Variants in SLC27A6 observed in about 807,000 individuals in gnomAD.
The protein encoded by SLC27A6 is long-chain fatty acid transport protein 6.
Under a neutral mutation model 63.9 loss-of-function variants are expected in SLC27A6, and 74 were observed. That is an observed-to-expected ratio of 1.16 (90% CI 0.96 to 1.40). The LOEUF is 1.40. SLC27A6 is among the 40% of genes most tolerant of loss of function. The pLI is 0.00. For missense variants in SLC27A6, 794 were observed against 732.9 expected, an observed-to-expected ratio of 1.08 and a Z score of -0.96; for synonymous variants, 287 against 260.8, an observed-to-expected ratio of 1.10 and a Z score of -0.97.
At chr5:129,028,098 A>T (rs977066253) in intron 7 of SLC27A6, among the ~76,000 whole-genome samples, 1 of 152,072 alleles carries the variant, frequency 6.6e-6, no homozygotes, top group Non-Finnish European at 1.5e-5. Context: ...ATTTTTATGT[A>T]TATTATAAAA....
At position 129,024,520 on chromosome 5, in the gene SLC27A6, A is replaced by T. The variant is rs187918059; in HGVS notation, c.1255+810A>T. Among the ~76,000 whole-genome samples the T allele has an allele frequency of 3.0e-4, 45 of 152,182 alleles. No individual in the cohort carries two copies. In the East Asian group the frequency reaches 8.5e-3, roughly 29 times the overall value. ...GGACGATTAAATGGGATGTATATATATTCCTGGGGGACCTGGTATGTGGCT... is the reference window on the plus strand; with the variant it reads ...GGACGATTAAATGGGATGTATATATTTTCCTGGGGGACCTGGTATGTGGCT... On this transcript the variant is annotated intron_variant, in intron 6 of 9. Transcript: ENST00000262462.
chr5:128,997,536 T>A (rs1222305208), intron 4 of SLC27A6, among the ~76,000 whole-genome samples: 1 of 152,192 alleles, frequency 6.6e-6, no homozygotes, highest in Non-Finnish European at 1.5e-5. Context: ...TACACAGGAA[T>A]TTGTGAATAT....
At chr5:129,019,222 A>T (rs1269098012) in intron 5 of SLC27A6, among the ~76,000 whole-genome samples, 1 of 152,114 alleles carries the variant, frequency 6.6e-6, no homozygotes, top group Non-Finnish European at 1.5e-5. Flanking sequence ...ACTATATAAA[A>T]AATTTAGTGA....
intron 4 of SLC27A6, among the ~76,000 whole-genome samples, chr5:129,005,907 C>T (rs1225223101): frequency 2.6e-5 from 4 of 151,438 alleles, no homozygotes; most frequent in Admixed American, 6.6e-5. Context: ...CCACCGTGGC[C>T]GGCCTAGGTC....
chr5:128,980,211 A>G, intron 1 of SLC27A6, among the ~76,000 whole-genome samples: 1 of 152,192 alleles, frequency 6.6e-6, no homozygotes, highest in East Asian at 1.9e-4. Flanking sequence ...AGTAGTAATA[A>G]CAACCACCAC....
intron 1 of SLC27A6, among the ~76,000 whole-genome samples, chr5:128,977,039 C>A (rs1750414056): frequency 6.6e-6 from 1 of 152,104 alleles, no homozygotes; most frequent in Non-Finnish European, 1.5e-5. Context: ...ATCAACACAA[C>A]CAGGAAATCC....
At chr5:129,017,215 A>G (rs1029200089) in intron 5 of SLC27A6, among the ~76,000 whole-genome samples, 37 of 152,306 alleles carry the variant, frequency 2.4e-4, no homozygotes, top group Middle Eastern at 3.4e-3. Flanking sequence ...AACAAATTTC[A>G]AAGGATTGAA....
chr5:129,019,261 G>A (rs1352620564), intron 5 of SLC27A6, among the ~76,000 whole-genome samples: 1 of 151,944 alleles, frequency 6.6e-6, no homozygotes, highest in Non-Finnish European at 1.5e-5. Context: ...AACTCAAGTA[G>A]AATTATGAAG....
At chr5:128,987,030 T>G (rs1174214996) in intron 2 of SLC27A6, among the ~76,000 whole-genome samples, 1 of 152,166 alleles carries the variant, frequency 6.6e-6, no homozygotes, top group African/African-American at 2.4e-5. Context: ...TCCACCCTGA[T>G]AGAAGTCCTG....
Position 128,965,972 on chromosome 5 carries a change from T to C in SLC27A6, c.-166T>C. On this transcript the variant is annotated 5_prime_UTR_variant, in exon 1 of 10. Transcript: ENST00000262462. ...TTCGGTGCAAACCTACGATTCTGTTTCTCAGGATTCCTCCCCATCCCGCTT... is the reference window on the plus strand; with the variant it reads ...TTCGGTGCAAACCTACGATTCTGTTCCTCAGGATTCCTCCCCATCCCGCTT... The C allele has an allele frequency of 1.4e-6, 1 of 719,460 alleles. No individual in the cohort carries two copies. Among genetic ancestry groups the C allele is most frequent in the Non-Finnish European group, 2.1e-6 (1 of 484,206 alleles). 44.6% of individuals were successfully genotyped at this position (719,460 alleles called of 1,614,324 possible). A position where few individuals can be genotyped will look rare whatever the true frequency, so the allele number is the denominator to read the frequency against.
At chr5:129,026,329 G>A (rs897387920) in intron 6 of SLC27A6, among the ~76,000 whole-genome samples, 1 of 152,110 alleles carries the variant, frequency 6.6e-6, no homozygotes, top group South Asian at 2.1e-4. Context: ...TTACCTTGCA[G>A]ATTGCTGAGA....
intron 4 of SLC27A6, among the ~76,000 whole-genome samples, chr5:129,014,637 A>G (rs1418761243): frequency 1.3e-5 from 2 of 152,332 alleles, no homozygotes; most frequent in South Asian, 2.1e-4. Flanking sequence ...AGACATCTCC[A>G]GAGATTACTT....
intron 1 of SLC27A6, among the ~76,000 whole-genome samples, chr5:128,976,427 TC>T (rs1351088475): frequency 1.3e-5 from 2 of 152,290 alleles, no homozygotes; most frequent in Non-Finnish European, 2.9e-5. Flanking sequence ...GGCAGGAGAA[TC>T]GCTTGAACCT....
chr5:129,024,364 G>C (rs961737210), intron 6 of SLC27A6, among the ~76,000 whole-genome samples: 7 of 152,068 alleles, frequency 4.6e-5, no homozygotes, highest in Non-Finnish European at 8.8e-5. Context: ...TGTAAAGTCA[G>C]GCCAACTTGG....
At chr5:128,981,269 C>T (rs1028781659) in intron 1 of SLC27A6, among the ~76,000 whole-genome samples, 9 of 152,066 alleles carry the variant, frequency 5.9e-5, no homozygotes, top group African/African-American at 1.9e-4. Context: ...CACCTGAGGT[C>T]AGGAGCTCGA....
intron 8 of SLC27A6, 149 bp downstream of exon 8, chr5:129,028,591 AC>A: frequency 1.8e-6 from 1 of 542,814 alleles, no homozygotes; most frequent in East Asian, 3.2e-5. Context: ...ATGCCCCTTG[AC>A]CAAGCTAACA....
chr5:128,997,292 A>G (rs1232354685), intron 4 of SLC27A6, among the ~76,000 whole-genome samples: 1 of 152,128 alleles, frequency 6.6e-6, no homozygotes, highest in Non-Finnish European at 1.5e-5. Flanking sequence ...ATTTTTTATT[A>G]TTTGTATTCC....
intron 4 of SLC27A6, among the ~76,000 whole-genome samples, chr5:128,999,926 A>G (rs1300761230): frequency 2.0e-5 from 3 of 152,226 alleles, no homozygotes. Flanking sequence ...TGAGGAGAGA[A>G]GCAAAGAGTT....
At chr5:129,007,230 G>C (rs981298110) in intron 4 of SLC27A6, among the ~76,000 whole-genome samples, 23 of 151,898 alleles carry the variant, frequency 1.5e-4, no homozygotes, top group Non-Finnish European at 2.8e-4. Flanking sequence ...TGGATCACAA[G>C]GTCAGGAGTT....
Sources: allele counts gnomAD v4.1 joint callset (sites outside exome capture counted in the v4.1 genomes callset), GRCh38; gene constraint gnomAD v4.1.1; transcripts MANE v1.5; gene names NCBI Gene and HGNC (gene_info 2026-07-23, HGNC 2026-07-21).